Variants in GFPT2 observed in about 807,000 individuals in gnomAD.
GFPT2 encodes glutamine--fructose-6-phosphate transaminase 2, also known as glutamine--fructose-6-phosphate aminotransferase [isomerizing] 2.
Under a neutral mutation model 85.6 loss-of-function variants are expected in GFPT2, and 62 were observed. The ratio of observed to expected loss-of-function variants is 0.72; its 90% CI spans 0.59 to 0.90. The LOEUF (loss-of-function observed/expected upper bound fraction) is 0.90, where lower values mean the gene tolerates loss of function less well. Ranked by LOEUF, GFPT2 falls within the 40% of genes least tolerant of loss-of-function variation. The pLI is 0.00. For synonymous variants in GFPT2, 368 were observed against 344.5 expected (o/e 1.07, Z -0.75); for missense variants, 788 against 893.4 (o/e 0.88, Z 1.50).
At chr5:180,346,517 T>C (rs998023131) in intron 1 of GFPT2, among the ~76,000 whole-genome samples, 3 of 152,082 alleles carry the variant, frequency 2.0e-5, no homozygotes, top group Non-Finnish European at 4.4e-5. Flanking sequence ...TCCAGCTACA[T>C]CCCTCTCTCG....
chr5:180,352,461 G>A, intron 1 of GFPT2: 2 of 451,830 alleles, frequency 4.4e-6, no homozygotes, highest in Non-Finnish European at 8.9e-6. Flanking sequence ...TGCGCTCCGG[G>A]CCGCGGCCGC....
At chr5:180,305,570 G>A (rs1053480566) in intron 16 of GFPT2, among the ~76,000 whole-genome samples, 15 of 152,146 alleles carry the variant, frequency 9.9e-5, no homozygotes, top group Non-Finnish European at 1.5e-5. Flanking sequence ...TAAGGAGTGC[G>A]GCTCCAGTCT....
At chr5:180,315,345 T>C (rs1435988471) in intron 13 of GFPT2, among the ~76,000 whole-genome samples, 2 of 152,032 alleles carry the variant, frequency 1.3e-5, no homozygotes, top group Non-Finnish European at 2.9e-5. Flanking sequence ...GCCCGGCTAA[T>C]TGTTTTATAT....
rs759773351 is a variant in GFPT2, at chr5:180,307,207, TAGC to T, written c.1640_1642del (p.Gly547_Tyr548delinsAsp). ...TCCTTCCAGGCAGGTGGCATAGTTG[TAGC>T]CCCGCCCCATCACCAGCAGCGATCT... On this transcript the variant is annotated inframe_deletion, in exon 16 of 19. Coordinates refer to ENST00000253778, the MANE Select transcript of GFPT2 (RefSeq NM_005110.4). The T allele has an allele frequency of 6.2e-7, 1 of 1,604,220 alleles. No homozygotes were observed. The highest frequency in any genetic ancestry group is 1.1e-5 in the South Asian group (1 of 89,030).
At chr5:180,311,924 C>T (rs549074882) in intron 15 of GFPT2, among the ~76,000 whole-genome samples, 2 of 151,012 alleles carry the variant, frequency 1.3e-5, no homozygotes, top group South Asian at 2.1e-4. Context: ...GAAGGCCCTG[C>T]GGTGAGAAAG....
chr5:180,302,295 AAAAAAG>A (rs1763691083), intron 18 of GFPT2, 122 bp downstream of exon 18: 2 of 702,228 alleles, frequency 2.8e-6, no homozygotes, highest in Non-Finnish European at 4.4e-6. Flanking sequence ...TCAAAAAAAA[AAAAAAG>A]AAAGCTACTT....
chr5:180,352,616 C>A (rs1380308767), intron 1 of GFPT2: 1 of 449,122 alleles, frequency 2.2e-6, no homozygotes, highest in Admixed American at 2.4e-5. Flanking sequence ...CGCAAAGAGG[C>A]GGTAACGCGG....
intron 1 of GFPT2, among the ~76,000 whole-genome samples, chr5:180,345,453 C>T (rs548504154): frequency 2.0e-5 from 3 of 152,244 alleles, no homozygotes; most frequent in Non-Finnish European, 2.9e-5. Context: ...AAGGGCTTCC[C>T]GCTGGGGTGG....
At chr5:180,317,560 C>T (rs1764036258) in intron 10 of GFPT2, among the ~76,000 whole-genome samples, 1 of 150,854 alleles carries the variant, frequency 6.6e-6, no homozygotes, top group Non-Finnish European at 1.5e-5. Context: ...GAGATCGAGA[C>T]CATCCCGGCT....
Position 180,318,576 on chromosome 5 carries a change from C to A in GFPT2, c.958+217G>T, listed in dbSNP as rs980524258. On this transcript the variant is annotated intron_variant, in intron 10 of 18. Coordinates refer to ENST00000253778, the MANE Select transcript of GFPT2 (RefSeq NM_005110.4). The surrounding 1 kb of genome is among the most constrained non-coding windows in gnomAD (Gnocchi z 4.2). ...CTCAGTTCCAGTAGGAAAGACCTGGCGGCTGGCTGCACACAGGAGCCCCCG... is the reference window on the plus strand; with the variant it reads ...CTCAGTTCCAGTAGGAAAGACCTGGAGGCTGGCTGCACACAGGAGCCCCCG... 9.1e-6 allele frequency: 5 copies of A among 551,496 alleles called. 1 individual carries two copies. The highest frequency in any genetic ancestry group is 9.0e-5 in the South Asian group (4 of 44,240). 34.2% of individuals were successfully genotyped at this position (551,496 alleles called of 1,614,324 possible). A position where few individuals can be genotyped will look rare whatever the true frequency, so the allele number is the denominator to read the frequency against.
rs776214037 is a variant in GFPT2 at position 180,331,497 on chromosome 5, G to A, written c.397C>T (p.Leu133=). Reference sequence around the variant, plus strand: ...ATCACCTAGGGGAAGCATCTTACCAGAAATTTCCTCAGATCTTTGTAATTT... The same window carrying A: ...ATCACCTAGGGGAAGCATCTTACCAAAAATTTCCTCAGATCTTTGTAATTT... ...ITNYKDLRKF[L]ESKGYEFESE... The change falls in exon 5 of 19, where the codon CTG becomes TTG. Residue 133 remains leucine (L), a splice_region_variant and synonymous_variant. Transcript: ENST00000253778. 2 of 1,572,784 alleles carry A rather than the reference G, an allele frequency of 1.3e-6. No homozygotes were observed. The highest frequency in any genetic ancestry group is 2.2e-5 in the South Asian group (2 of 90,176).
At chr5:180,339,682 C>T (rs1764472960) in intron 1 of GFPT2, among the ~76,000 whole-genome samples, 1 of 152,318 alleles carries the variant, frequency 6.6e-6, no homozygotes, top group South Asian at 2.1e-4. Flanking sequence ...CTTTCATCCT[C>T]GCTCCCACTG....
intron 9 of GFPT2, among the ~76,000 whole-genome samples, chr5:180,321,674 A>G (rs1464925824): frequency 6.6e-6 from 1 of 152,218 alleles, no homozygotes; most frequent in Non-Finnish European, 1.5e-5. Context: ...CTTTCTCAGC[A>G]TGTGTTGTCT....
chr5:180,350,954 A>ACGCCAGGTG, intron 1 of GFPT2, among the ~76,000 whole-genome samples: 1 of 152,328 alleles, frequency 6.6e-6, no homozygotes, highest in East Asian at 1.9e-4. Context: ...GCCTGCTCAG[A>ACGCCAGGTG]CGCCAGGTGC....
At chr5:180,333,534 G>A (rs1320388754) in intron 4 of GFPT2, among the ~76,000 whole-genome samples, 18 of 152,246 alleles carry the variant, frequency 1.2e-4, no homozygotes, top group Middle Eastern at 3.4e-3. Flanking sequence ...ATGCCTGGCC[G>A]GTGATATTGT....
Position 180,324,816 on chromosome 5 carries a change from A to G in GFPT2, c.676T>C (p.Cys226Arg). Reference protein sequence around the residue: ...TEQIPILYRTCTLENVKNICK... With the variant: ...TEQIPILYRTRTLENVKNICK... ...TTCCGGTACTTCTTGAGAAACTTAC[A>G]CGTCCTGTATAAGATAGGGATCTGT... The change falls in exon 8 of 19, where the codon TGC (cysteine) becomes CGC (arginine). Residue 226 changes from cysteine (C) to arginine (R), a missense_variant and splice_region_variant. Cys to Arg is a radical substitution (Grantham distance 180). Transcript: ENST00000253778. 2 of 1,585,512 alleles carry G rather than the reference A, an allele frequency of 1.3e-6. No homozygotes were observed. Among genetic ancestry groups the G allele is most frequent in the Non-Finnish European group, 8.7e-7 (1 of 1,153,976 alleles).
rs768217828 is a variant in GFPT2, at chr5:180,302,592, A to G, written c.1843-8T>C. The G allele has an allele frequency of 6.2e-7, 1 of 1,605,368 alleles. No homozygotes were observed. Among genetic ancestry groups the G allele is most frequent in the Non-Finnish European group, 8.5e-7 (1 of 1,173,592 alleles). ...CAGTATAATGGGGCGACCCTAGAGC[A>G]GAGAAATAGCATCATAAAATAGACC... On this transcript the variant is annotated splice_polypyrimidine_tract_variant and splice_region_variant and intron_variant, in intron 17 of 18. Transcript: ENST00000253778.
chr5:180,308,243 G>T (rs568333990), intron 15 of GFPT2, among the ~76,000 whole-genome samples: 2 of 150,186 alleles, frequency 1.3e-5, no homozygotes, highest in African/African-American at 4.9e-5. Context: ...GCAACAGAGC[G>T]AGACTCCATC....
intron 1 of GFPT2, among the ~76,000 whole-genome samples, chr5:180,351,012 T>G (rs1764701781): frequency 6.6e-6 from 1 of 152,246 alleles, no homozygotes; most frequent in Non-Finnish European, 1.5e-5. Context: ...AGTGAAGAGC[T>G]TATCTGGTTC....
Sources: allele counts gnomAD v4.1 joint callset (sites outside exome capture counted in the v4.1 genomes callset), GRCh38; gene constraint gnomAD v4.1.1; non-coding constraint Gnocchi (gnomAD v3.1); transcripts MANE v1.5; gene names NCBI Gene and HGNC (gene_info 2026-07-23, HGNC 2026-07-21).